The following VEPH1 variants were observed in gnomAD, a reference collection of about 807,000 sequenced individuals.
The protein encoded by VEPH1 is ventricular zone-expressed PH domain-containing protein homolog 1.
A neutral mutation model predicts 85.2 loss-of-function variants in VEPH1; 80 were observed. The observed-to-expected ratio is 0.94, with a 90% CI of 0.78 to 1.13. The LOEUF is 1.13. Among genes scored for constraint, VEPH1 ranks in the 50% most tolerant of loss-of-function variants. The probability of loss-of-function intolerance (pLI) is 0.00; values close to 1 mark genes in which losing one functional copy is unlikely to be tolerated. For missense variants in VEPH1, 955 were observed against 980.5 expected (o/e 0.97, Z 0.35); for synonymous variants, 297 against 348.0 (o/e 0.85, Z 1.63).
Position 157,380,877 on chromosome 3 carries a change from T to A in VEPH1, c.1127+279A>T, listed in dbSNP as rs147656800. On this transcript the variant is annotated intron_variant, in intron 7 of 13. Transcript: ENST00000362010. ...TATGACAATTTAAATTGTTAACTGC[T>A]TGTTGAGTAAATAAACGGGTGCTAT... Among the ~76,000 whole-genome samples, 26 of 152,372 alleles carry A rather than the reference T, an allele frequency of 1.7e-4. 1 individual carries two copies. The East Asian group carries it at 5.0e-3, about 29-fold the overall frequency.
chr3:157,377,899 CTT>C (rs144358498), intron 7 of VEPH1, among the ~76,000 whole-genome samples: 12,856 of 152,110 alleles, frequency 0.085, 784 homozygotes, highest in African/African-American at 0.17. Flanking sequence ...ATGTAACACA[CTT>C]ATATAATATT....
At chr3:157,473,266 G>T (rs62280978) in intron 2 of VEPH1, among the ~76,000 whole-genome samples, 25,904 of 151,420 alleles carry the variant, frequency 0.17, 2,834 homozygotes, top group East Asian at 0.36. Context: ...TAGAGACAGG[G>T]TTTCACCATG....
intron 5 of VEPH1, among the ~76,000 whole-genome samples, chr3:157,424,328 T>A (rs1328257446): frequency 6.6e-6 from 1 of 152,184 alleles, no homozygotes; most frequent in Non-Finnish European, 1.5e-5. Flanking sequence ...TTCTTCCCAG[T>A]CTTGGGTATG....
chr3:157,427,598 G>C (rs1732848671), intron 5 of VEPH1, among the ~76,000 whole-genome samples: 2 of 152,146 alleles, frequency 1.3e-5, no homozygotes, highest in African/African-American at 4.8e-5. Flanking sequence ...TGGGACTACA[G>C]GTGCCTCCTC....
intron 12 of VEPH1, among the ~76,000 whole-genome samples, chr3:157,272,522 A>G (rs1391914140): frequency 6.7e-6 from 1 of 149,014 alleles, no homozygotes; most frequent in East Asian, 2.0e-4. Flanking sequence ...CAGTGACACA[A>G]TCATGACTCA....
At chr3:157,271,871 A>T (rs1396048569) in intron 12 of VEPH1, among the ~76,000 whole-genome samples, 3 of 152,200 alleles carry the variant, frequency 2.0e-5, no homozygotes, top group East Asian at 3.9e-4. Context: ...GAATTAGAAG[A>T]TAAAAATAAA....
At chr3:157,283,106 G>T (rs1385260193) in intron 12 of VEPH1, among the ~76,000 whole-genome samples, 1 of 152,182 alleles carries the variant, frequency 6.6e-6, no homozygotes, top group African/African-American at 2.4e-5. Flanking sequence ...CGAGGAAGTA[G>T]ATCACTTCTA....
intron 11 of VEPH1, among the ~76,000 whole-genome samples, chr3:157,298,795 T>TA (rs367699037): frequency 3.0e-4 from 46 of 151,816 alleles, no homozygotes; most frequent in Non-Finnish European, 6.0e-4. Flanking sequence ...TTTACTGAAT[T>TA]AAAAAAAACA....
At chr3:157,442,895 A>G (rs1249640902) in intron 4 of VEPH1, 1 of 1,614,106 alleles carries the variant, frequency 6.2e-7, no homozygotes, top group Non-Finnish European at 8.5e-7. Flanking sequence ...CCGGAGGAGC[A>G]GAGTCTTGTC....
At chr3:157,482,079 T>G (rs537889362) in intron 2 of VEPH1, among the ~76,000 whole-genome samples, 1 of 152,230 alleles carries the variant, frequency 6.6e-6, no homozygotes. Context: ...TGTAGCCTTA[T>G]AGTATAGTTT....
chr3:157,265,376 G>A, intron 13 of VEPH1, 150 bp downstream of exon 13: 1 of 849,040 alleles, frequency 1.2e-6, no homozygotes, highest in Admixed American at 3.0e-5. Context: ...AAACAGACTA[G>A]ACACAGAAAT....
intron 3 of VEPH1, among the ~76,000 whole-genome samples, chr3:157,467,591 G>A (rs926972584): frequency 7.2e-5 from 11 of 152,170 alleles, no homozygotes; most frequent in African/African-American, 2.7e-4. Context: ...TCCTGGTGCT[G>A]CATTTCTGGG....
chr3:157,322,016 C>A (rs1296923461), intron 9 of VEPH1, among the ~76,000 whole-genome samples: 1 of 152,072 alleles, frequency 6.6e-6, no homozygotes, highest in Non-Finnish European at 1.5e-5. Context: ...GCATTAAATA[C>A]ATTCACATTG....
At chr3:157,342,787 C>T (rs1228744963) in intron 9 of VEPH1, among the ~76,000 whole-genome samples, 1 of 152,174 alleles carries the variant, frequency 6.6e-6, no homozygotes, top group Non-Finnish European at 1.5e-5. Flanking sequence ...GTAAAGCACT[C>T]CTCAGCAAAT....
rs117139671 is a variant in VEPH1, at chr3:157,286,359, T to C, written c.2128+198A>G. On this transcript the variant is annotated intron_variant, in intron 12 of 13. Transcript: ENST00000362010. Reference sequence around the variant, plus strand: ...ACATATAGGTAAGGGATTGTTTCTCTGCCTCCCAAAGTTTTCCCTTTTTCC... The same window carrying C: ...ACATATAGGTAAGGGATTGTTTCTCCGCCTCCCAAAGTTTTCCCTTTTTCC... 3.9e-3 allele frequency: 2,413 copies of C among 614,934 alleles called. 42 individuals are homozygous for C. In the East Asian group the frequency reaches 0.043, roughly 11 times the overall value. 38.1% of individuals were successfully genotyped at this position (614,934 alleles called of 1,614,324 possible).
intron 3 of VEPH1, among the ~76,000 whole-genome samples, chr3:157,469,670 T>A (rs571205483): frequency 6.6e-6 from 1 of 152,346 alleles, no homozygotes; most frequent in Admixed American, 6.5e-5. Flanking sequence ...CATCTCTGGT[T>A]GGTAAATTTG....
At chr3:157,282,862 G>A (rs141916194) in intron 12 of VEPH1, among the ~76,000 whole-genome samples, 1 of 152,298 alleles carries the variant, frequency 6.6e-6, no homozygotes, top group East Asian at 1.9e-4. Flanking sequence ...TCTCATTCAT[G>A]TGGAATAACA....
intron 9 of VEPH1, among the ~76,000 whole-genome samples, chr3:157,351,216 T>G (rs1435242953): frequency 6.6e-6 from 1 of 151,720 alleles, no homozygotes; most frequent in Non-Finnish European, 1.5e-5. Flanking sequence ...GAGGCCAAGG[T>G]GGGCAGATCA....
At chr3:157,342,618 C>T (rs781493224) in intron 9 of VEPH1, among the ~76,000 whole-genome samples, 7 of 152,122 alleles carry the variant, frequency 4.6e-5, no homozygotes, top group East Asian at 1.9e-4. Context: ...GACAGATAAA[C>T]GAGACAGAAA....
Sources: allele counts gnomAD v4.1 joint callset (sites outside exome capture counted in the v4.1 genomes callset), GRCh38; gene constraint gnomAD v4.1.1; transcripts MANE v1.5; gene names NCBI Gene and HGNC (gene_info 2026-07-23, HGNC 2026-07-21).